Variants in PEPD observed in about 807,000 individuals in gnomAD.
PEPD encodes the protein peptidase D, also known as xaa-Pro dipeptidase.
PEPD carries 53 observed loss-of-function variants against 60.7 expected under a neutral mutation model. That is an observed-to-expected ratio of 0.87 (90% confidence interval 0.70 to 1.10). PEPD has a LOEUF of 1.10. PEPD is among the 50% of genes least tolerant of loss of function. PEPD has a pLI of 0.00. For missense variants in PEPD, 711 were observed against 711.9 expected (o/e 1.00, Z 0.01); for synonymous variants, 267 against 284.1 (o/e 0.94, Z 0.60).
intron 13 of PEPD, 54 bp from the exon 14 acceptor site, chr19:33,388,135 C>T (rs2145321566): frequency 6.9e-7 from 1 of 1,448,578 alleles, no homozygotes; most frequent in Non-Finnish European, 9.4e-7. Context: ...CTCACCGTGG[C>T]CTCATCAGGA....
intron 12 of PEPD, among the ~76,000 whole-genome samples, chr19:33,393,829 G>A (rs1297269360): frequency 1.3e-5 from 2 of 151,998 alleles, no homozygotes; most frequent in Non-Finnish European, 2.9e-5. Context: ...TCCTCCAGAG[G>A]CCAGACCACC....
chr19:33,521,667 C>T, intron 1 of PEPD, 77 bp downstream of exon 1: 1 of 1,457,842 alleles, frequency 6.9e-7, no homozygotes, highest in Non-Finnish European at 9.3e-7. Flanking sequence ...GGCTGACGCT[C>T]TCACCCGCGG....
At chr19:33,462,313 G>A (rs1394215020) in intron 9 of PEPD, among the ~76,000 whole-genome samples, 2 of 152,256 alleles carry the variant, frequency 1.3e-5, no homozygotes, top group Non-Finnish European at 2.9e-5. Flanking sequence ...GAGCTTCCAG[G>A]TGGTACCAAC....
chr19:33,485,984 T>C (rs1172801989), intron 6 of PEPD, among the ~76,000 whole-genome samples: 2 of 152,068 alleles, frequency 1.3e-5, no homozygotes, highest in South Asian at 2.1e-4. Flanking sequence ...GGAAACTTGA[T>C]GGACAGGCAT....
At chr19:33,476,242 G>A (rs1243059298) in intron 7 of PEPD, among the ~76,000 whole-genome samples, 1 of 152,230 alleles carries the variant, frequency 6.6e-6, no homozygotes, top group African/African-American at 2.4e-5. Flanking sequence ...TGGCTGTGAG[G>A]GGCGTCGGAC....
At chr19:33,388,124 G>GCTCA (rs1327257910) in intron 13 of PEPD, 43 bp from the exon 14 acceptor site, 1 of 1,489,250 alleles carries the variant, frequency 6.7e-7, no homozygotes, top group South Asian at 1.2e-5. Context: ...CAGCTCCAGG[G>GCTCA]CTCACCGTGG....
At chr19:33,495,488 G>T (rs1470371701) in intron 4 of PEPD, among the ~76,000 whole-genome samples, 1 of 148,968 alleles carries the variant, frequency 6.7e-6, no homozygotes, top group Non-Finnish European at 1.5e-5. Flanking sequence ...GTGACAGAGC[G>T]AGACTCTGTC....
chr19:33,421,052 G>A (rs371391177), intron 9 of PEPD, among the ~76,000 whole-genome samples: 5 of 152,334 alleles, frequency 3.3e-5, no homozygotes, highest in East Asian at 1.9e-4. Context: ...ACTGCTGGCC[G>A]GTGTTCTACT....
intron 9 of PEPD, among the ~76,000 whole-genome samples, chr19:33,423,285 C>T (rs1356857289): frequency 6.6e-6 from 1 of 152,256 alleles, no homozygotes; most frequent in Admixed American, 6.5e-5. Flanking sequence ...AGCAGCACCA[C>T]AGCCTCTAAT....
chr19:33,425,540 A>G (rs1025370724), intron 9 of PEPD, among the ~76,000 whole-genome samples: 6 of 152,224 alleles, frequency 3.9e-5, no homozygotes, highest in Non-Finnish European at 7.3e-5. Flanking sequence ...ATACGAGTCC[A>G]CGGGATGACA....
chr19:33,500,980 G>T lies in PEPD; in HGVS notation c.351C>A (p.Phe117Leu), dbSNP rs374573875. Residue 117 changes from phenylalanine to leucine, a missense_variant, in exon 4 of 15, where the codon TTC becomes TTA. Transcript: ENST00000244137. ...WMGKIHSKEH[F>L]KEKYAVDDVQ... ...CGTCGTCCACGGCATACTTCTCCTT[G>T]AAGTGCTCCTTGGAATGGATCCTCA... is the stretch of plus-strand genomic sequence containing the variant. The T allele has an allele frequency of 2.4e-5, 38 of 1,603,932 alleles. No individual in the cohort carries two copies. The highest frequency in any genetic ancestry group is 2.3e-5 in the Non-Finnish European group (27 of 1,170,948).
intron 1 of PEPD, among the ~76,000 whole-genome samples, chr19:33,519,299 T>C (rs1971086350): frequency 6.6e-6 from 1 of 152,180 alleles, no homozygotes; most frequent in South Asian, 2.1e-4. Context: ...TTCTTGAGTT[T>C]CAAATTAAAT....
At chr19:33,435,837 G>A (rs555173001) in intron 9 of PEPD, among the ~76,000 whole-genome samples, 2 of 152,352 alleles carry the variant, frequency 1.3e-5, no homozygotes, top group South Asian at 4.1e-4. Flanking sequence ...GCTCAGGTGA[G>A]TCTGAGGCCA....
chr19:33,403,925 C>A (rs1460031589), intron 11 of PEPD, among the ~76,000 whole-genome samples: 1 of 152,212 alleles, frequency 6.6e-6, no homozygotes, highest in Non-Finnish European at 1.5e-5. Context: ...CTTAGGCCAA[C>A]AACTGCCTGG....
intron 8 of PEPD, 140 bp from the exon 9 acceptor site, chr19:33,463,181 G>A: frequency 2.8e-6 from 2 of 726,860 alleles, no homozygotes; most frequent in Non-Finnish European, 2.5e-6. Context: ...CAGTGGTACA[G>A]ACATGTGACA....
intron 9 of PEPD, among the ~76,000 whole-genome samples, chr19:33,444,026 T>C (rs1453396621): frequency 1.3e-5 from 2 of 151,206 alleles, no homozygotes; most frequent in South Asian, 2.1e-4. Flanking sequence ...GTGAGAAGAG[T>C]GTGTAATGGG....
intron 9 of PEPD, among the ~76,000 whole-genome samples, chr19:33,450,805 G>A (rs116925323): frequency 0.011 from 1,705 of 152,232 alleles, 26 homozygotes; most frequent in South Asian, 0.071. Context: ...CTCTGGAGGC[G>A]GGGCTCGGAC....
chr19:33,493,475 C>T (rs985435250), intron 4 of PEPD, 138 bp from the exon 5 acceptor site: 1 of 728,392 alleles, frequency 1.4e-6, no homozygotes, highest in Non-Finnish European at 2.5e-6. Context: ...GCTGCCCTCA[C>T]CCTGCAGGTG....
At chr19:33,496,896 C>T (rs1970616763) in intron 4 of PEPD, among the ~76,000 whole-genome samples, 1 of 152,210 alleles carries the variant, frequency 6.6e-6, no homozygotes, top group Non-Finnish European at 1.5e-5. Context: ...GCCCGAGGGC[C>T]GCTTTTCGCA....
Sources: gnomAD v4.1 joint callset for allele counts (sites outside exome capture counted in the v4.1 genomes callset) on GRCh38, gnomAD v4.1.1 for gene constraint, MANE v1.5 for transcripts, NCBI Gene and HGNC (gene_info 2026-07-23, HGNC 2026-07-21) for gene names.